Variants in LRP1B observed in about 807,000 individuals in gnomAD.
LRP1B encodes low-density lipoprotein receptor-related protein 1B.
LRP1B carries 217 observed loss-of-function variants against 556.6 expected under a neutral mutation model. That is an observed-to-expected ratio of 0.39 (90% CI 0.35 to 0.44). LRP1B has a LOEUF of 0.44. LRP1B is among the 20% of genes least tolerant of loss of function. LRP1B has a pLI of 1.00. For synonymous variants in LRP1B, 2,047 were observed against 1,865.8 expected (o/e 1.10, Z -2.50); for missense variants, 5,053 against 5,620.8 (o/e 0.90, Z 3.23).
intron 1 of LRP1B, among the ~76,000 whole-genome samples, chr2:141,936,095 A>G (rs1448335157): frequency 6.6e-6 from 1 of 152,208 alleles, no homozygotes; most frequent in Non-Finnish European, 1.5e-5. Context: ...AATTACCTAC[A>G]AGAAACTACA....
At chr2:141,946,624 G>A (rs1431306398) in intron 1 of LRP1B, among the ~76,000 whole-genome samples, 1 of 152,118 alleles carries the variant, frequency 6.6e-6, no homozygotes. Context: ...TAAACTGGTA[G>A]AAAAATGTGG....
rs556961279 is a variant in LRP1B, at chr2:141,066,145, T to C, written c.1014-3872A>G. Among the ~76,000 whole-genome samples the C allele has an allele frequency of 2.6e-5, 4 of 152,112 alleles. No individual in the cohort carries two copies. In the South Asian group the frequency reaches 8.3e-4, roughly 32 times the overall value. Reference sequence around the variant, plus strand: ...TCTCTATTTCTAAGATGTTTAACTATTAGCTCACAAAAGAAAACATTTCTT... The same window carrying C: ...TCTCTATTTCTAAGATGTTTAACTACTAGCTCACAAAAGAAAACATTTCTT... On this transcript the variant is annotated intron_variant, in intron 7 of 90. Transcript: ENST00000389484.
chr2:140,987,745 G>A (rs1450322303), intron 17 of LRP1B, among the ~76,000 whole-genome samples: 5 of 152,100 alleles, frequency 3.3e-5, no homozygotes, highest in Non-Finnish European at 1.5e-5. Context: ...AGCACTTTGA[G>A]AGGCCTAAGT....
At chr2:140,939,569 A>C (rs1695333336) in intron 20 of LRP1B, among the ~76,000 whole-genome samples, 1 of 149,270 alleles carries the variant, frequency 6.7e-6, no homozygotes, top group African/African-American at 2.4e-5. Context: ...GCTTACTTTT[A>C]TATTTGCATT....
chr2:141,053,448 TG>T (rs965726385), intron 10 of LRP1B, among the ~76,000 whole-genome samples: 3 of 151,950 alleles, frequency 2.0e-5, no homozygotes, highest in African/African-American at 7.2e-5. Context: ...CTGATAGTTG[TG>T]GGGCAAGCTT....
At chr2:140,443,393 A>G (rs1480361519) in intron 65 of LRP1B, among the ~76,000 whole-genome samples, 1 of 152,156 alleles carries the variant, frequency 6.6e-6, no homozygotes. Flanking sequence ...TGAACATCCA[A>G]CTTAGACTGT....
intron 6 of LRP1B, 40 bp from the exon 7 acceptor site, chr2:141,188,623 A>C (rs1270925658): frequency 6.4e-6 from 10 of 1,565,732 alleles, no homozygotes; most frequent in African/African-American, 2.7e-5. Flanking sequence ...TCACAGGTGC[A>C]ATCTAGCATC....
At chr2:141,886,985 TTTTG>T (rs771810086) in intron 1 of LRP1B, among the ~76,000 whole-genome samples, 21 of 151,246 alleles carry the variant, frequency 1.4e-4, no homozygotes, top group South Asian at 8.4e-4. Flanking sequence ...TTTTTGGGTT[TTTTG>T]TTTGTTTGTT....
At chr2:140,485,297 T>C in intron 59 of LRP1B, 46 bp downstream of exon 59, 3 of 1,458,832 alleles carry the variant, frequency 2.1e-6, no homozygotes, top group South Asian at 1.2e-5. Context: ...CTACTATGAA[T>C]GTAATCCAGT....
intron 2 of LRP1B, among the ~76,000 whole-genome samples, chr2:141,578,608 T>A (rs1366918599): frequency 1.3e-5 from 2 of 152,162 alleles, no homozygotes; most frequent in African/African-American, 4.8e-5. Flanking sequence ...AATTTATACA[T>A]ACTTAAAAGC....
chr2:141,478,398 G>T (rs1682791292), intron 3 of LRP1B, among the ~76,000 whole-genome samples: 1 of 152,084 alleles, frequency 6.6e-6, no homozygotes, highest in Admixed American at 6.6e-5. Flanking sequence ...ATAACAAAAA[G>T]CCTGAATTAT....
At chr2:141,791,766 C>G (rs1695620584) in intron 2 of LRP1B, among the ~76,000 whole-genome samples, 1 of 152,022 alleles carries the variant, frequency 6.6e-6, no homozygotes, top group South Asian at 2.1e-4. Flanking sequence ...CCACAGCATG[C>G]TAGCCAGTAA....
chr2:141,141,472 C>G (rs1701650804), intron 7 of LRP1B, among the ~76,000 whole-genome samples: 1 of 152,082 alleles, frequency 6.6e-6, no homozygotes, highest in Non-Finnish European at 1.5e-5. Context: ...AGGATTTATT[C>G]ATTTGAACTT....
At chr2:140,824,793 A>T (rs1691448061) in intron 31 of LRP1B, among the ~76,000 whole-genome samples, 1 of 152,122 alleles carries the variant, frequency 6.6e-6, no homozygotes, top group Admixed American at 6.5e-5. Flanking sequence ...ATTCTTTCTA[A>T]ATATCACACA....
intron 49 of LRP1B, among the ~76,000 whole-genome samples, chr2:140,524,562 G>A (rs1690337364): frequency 6.6e-6 from 1 of 151,816 alleles, no homozygotes; most frequent in Non-Finnish European, 1.5e-5. Flanking sequence ...GTCCATCAGT[G>A]GTGCACCGGA....
At position 140,371,323 on chromosome 2, in the gene LRP1B, A is replaced by G. The variant is rs1682983521; in HGVS notation, c.10769-38T>C. ...ATAAATTTGAAATTGAGATAGAGTAAAAATAACAGGTTTTAGAAATAAAAA... is the reference window on the plus strand; with the variant it reads ...ATAAATTTGAAATTGAGATAGAGTAGAAATAACAGGTTTTAGAAATAAAAA... On this transcript the variant is annotated intron_variant, in intron 69 of 90. Coordinates refer to ENST00000389484, the MANE Select transcript of LRP1B (RefSeq NM_018557.3). 4 of 1,130,944 alleles carry G rather than the reference A, an allele frequency of 3.5e-6. No individual in the cohort carries two copies. In the African/African-American group the frequency reaches 4.8e-5, roughly 14 times the overall value. 70.1% of individuals were successfully genotyped at this position (1,130,944 alleles called of 1,614,324 possible).
chr2:140,321,879 A>C, intron 82 of LRP1B, 84 bp downstream of exon 82: 1 of 1,344,182 alleles, frequency 7.4e-7, no homozygotes, highest in Non-Finnish European at 1.0e-6. Context: ...ATGATGGAAC[A>C]GATAATTTCA....
chr2:141,146,001 C>T (rs1419891787), intron 7 of LRP1B, among the ~76,000 whole-genome samples: 11 of 144,718 alleles, frequency 7.6e-5, no homozygotes, highest in East Asian at 2.1e-4. Flanking sequence ...CTCAGCTCAC[C>T]GCAACCTTCA....
At chr2:140,282,163 G>A (rs1682941405) in intron 84 of LRP1B, among the ~76,000 whole-genome samples, 1 of 151,748 alleles carries the variant, frequency 6.6e-6, no homozygotes, top group African/African-American at 2.4e-5. Flanking sequence ...ATTATGTCAT[G>A]ATTCCTTCCT....
Sources: allele counts gnomAD v4.1 joint callset (sites outside exome capture counted in the v4.1 genomes callset), GRCh38; gene constraint gnomAD v4.1.1; transcripts MANE v1.5; gene names NCBI Gene and HGNC (gene_info 2026-07-23, HGNC 2026-07-21).